The following MTFR1 variants were observed in gnomAD, a reference collection of about 807,000 sequenced individuals.
MTFR1 encodes mitochondrial fission regulator 1.
Under a neutral mutation model 38.8 loss-of-function variants are expected in MTFR1, and 28 were observed. The ratio of observed to expected loss-of-function variants is 0.72; its 90% CI spans 0.53 to 0.99. The LOEUF is 0.99. MTFR1 is among the 50% of genes least tolerant of loss of function. The pLI, the probability that MTFR1 is intolerant of heterozygous loss-of-function variation, is 0.00. For missense variants in MTFR1, 358 were observed against 395.5 expected (o/e 0.91, Z 0.81); for synonymous variants, 145 against 137.0 (o/e 1.06, Z -0.41).
At chr8:65,722,454 T>C (rs1322890474) in intron 3 of MTFR1, 1 of 152,266 alleles carries the variant, frequency 6.6e-6, no homozygotes, top group Non-Finnish European at 1.5e-5. Context: ...TGTGCTACCT[T>C]CTTAGTTTCT....
intron 3 of MTFR1, among the ~76,000 whole-genome samples, chr8:65,762,850 A>G (rs1306833552): frequency 6.6e-6 from 1 of 152,162 alleles, no homozygotes; most frequent in African/African-American, 2.4e-5. Flanking sequence ...TAAAACAAGT[A>G]TATTGGCCAA....
chr8:65,646,403 C>T (rs895804848), intron 1 of MTFR1, among the ~76,000 whole-genome samples: 7 of 151,812 alleles, frequency 4.6e-5, no homozygotes, highest in African/African-American at 1.7e-4. Context: ...ATAAATGGAA[C>T]TGCTGTGGAA....
chr8:65,756,236 G>C (rs1808235315), intron 3 of MTFR1, among the ~76,000 whole-genome samples: 1 of 152,202 alleles, frequency 6.6e-6, no homozygotes, highest in Admixed American at 6.5e-5. Context: ...GTGTGTCTCA[G>C]TGTGGATTTC....
At chr8:65,703,272 G>T (rs1486624800) in intron 4 of MTFR1, among the ~76,000 whole-genome samples, 2 of 151,874 alleles carry the variant, frequency 1.3e-5, no homozygotes, top group Non-Finnish European at 2.9e-5. Flanking sequence ...TATAGTCCTA[G>T]CTACTCAGGA....
At chr8:65,682,539 T>C (rs1268625387) in intron 3 of MTFR1, 88 bp downstream of exon 3, 12 of 780,568 alleles carry the variant, frequency 1.5e-5, no homozygotes, top group Non-Finnish European at 2.1e-5. Context: ...CATTTTGTTT[T>C]TGAGACTTTT....
In MTFR1 at chr8:65,709,357, C is replaced by T. The variant is rs1340477299; in HGVS notation, c.*313C>T. On this transcript the variant is annotated 3_prime_UTR_variant, in exon 8 of 8. Coordinates refer to ENST00000262146, the MANE Select transcript of MTFR1 (RefSeq NM_014637.4). Reference sequence around the variant, plus strand: ...ACAAAAAGGACATTTGTGGATGTTACTGCACATTTTAAATTCTTAACACTA... The same window carrying T: ...ACAAAAAGGACATTTGTGGATGTTATTGCACATTTTAAATTCTTAACACTA... The T allele has an allele frequency of 7.9e-6, 2 of 252,608 alleles. No individual in the cohort carries two copies. Among genetic ancestry groups the T allele is most frequent in the South Asian group, 1.0e-4 (1 of 9,682 alleles). 15.6% of individuals were successfully genotyped at this position (252,608 alleles called of 1,614,324 possible).
intron 1 of MTFR1, among the ~76,000 whole-genome samples, chr8:65,665,976 A>G (rs899056086): frequency 6.6e-6 from 1 of 152,240 alleles, no homozygotes; most frequent in South Asian, 2.1e-4. Flanking sequence ...ACTTGTTAAT[A>G]CTTACCATTT....
At position 65,770,606 on chromosome 8, in the gene MTFR1, A is replaced by G. The variant is rs377561095; in HGVS notation, c.*49-341A>G. Reference sequence around the variant, plus strand: ...AACCATATCAACCTCTAAACACTTCAGTGAATAACACCATAACTTAATACA... The same window carrying G: ...AACCATATCAACCTCTAAACACTTCGGTGAATAACACCATAACTTAATACA... On this transcript the variant is annotated intron_variant, in intron 3 of 3. Coordinates refer to the MTFR1 transcript ENST00000521247. 9.5e-4 allele frequency among the ~76,000 whole-genome samples: 145 copies of G among 152,342 alleles called. 4 individuals carry two copies. In the South Asian group the frequency reaches 0.029, roughly 31 times the overall value.
chr8:65,674,183 T>C (rs1804646342), intron 2 of MTFR1, among the ~76,000 whole-genome samples: 1 of 152,214 alleles, frequency 6.6e-6, no homozygotes, highest in Non-Finnish European at 1.5e-5. Flanking sequence ...TCCACCCACG[T>C]TGGCCTCCCA....
chr8:65,650,180 G>A (rs539588504), intron 1 of MTFR1, among the ~76,000 whole-genome samples: 1 of 148,440 alleles, frequency 6.7e-6, no homozygotes, highest in South Asian at 2.1e-4. Context: ...ATGCCATGTT[G>A]GCCAGACTGC....
intron 1 of MTFR1, among the ~76,000 whole-genome samples, chr8:65,669,227 G>C (rs1305847009): frequency 1.3e-5 from 2 of 152,144 alleles, no homozygotes; most frequent in Non-Finnish European, 2.9e-5. Context: ...TTGGAGTTGG[G>C]GACATGGAAA....
intron 2 of MTFR1, chr8:65,719,252 A>T: frequency 1.4e-6 from 2 of 1,459,842 alleles, no homozygotes; most frequent in Non-Finnish European, 1.9e-6. Flanking sequence ...CATTTCTAAA[A>T]ACCTCCAGGA....
At chr8:65,778,478 C>G in the MTFR1 span, among the ~76,000 whole-genome samples, 1 of 152,138 alleles carries the variant, frequency 6.6e-6, no homozygotes, top group African/African-American at 2.4e-5. Context: ...GCTGTCTGAA[C>G]CATTCCAATC....
At chr8:65,746,097 A>T (rs1464557375) in intron 3 of MTFR1, among the ~76,000 whole-genome samples, 12 of 141,308 alleles carry the variant, frequency 8.5e-5, no homozygotes, top group Non-Finnish European at 1.5e-4. Context: ...TACCTGGCTA[A>T]TTTTTTTTTT....
rs374209617 is a variant in MTFR1 at position 65,664,933 on chromosome 8, A to ATTT, written c.-80-4921_-80-4919dup. Among the ~76,000 whole-genome samples, 11 of 125,690 alleles carry ATTT rather than the reference A, an allele frequency of 8.8e-5. No homozygotes were observed. In the East Asian group the frequency reaches 1.7e-3, roughly 19 times the overall value. The allele number at this position is 125,690 out of a possible 152,430, so 82.5% of individuals were successfully genotyped here. ...TAGTTTTTCATGCTTTTAAAAAAAA[A>ATTT]TTTTTTTTTTTTTTTTTTTTTAGAC... On this transcript the variant is annotated intron_variant, in intron 1 of 7. Coordinates refer to ENST00000262146, the MANE Select transcript of MTFR1 (RefSeq NM_014637.4).
chr8:65,706,856 G>A (rs1805793302), intron 5 of MTFR1, among the ~76,000 whole-genome samples, 154 bp from the exon 6 acceptor site: 1 of 152,192 alleles, frequency 6.6e-6, no homozygotes, highest in South Asian at 2.1e-4. Flanking sequence ...TTCTCATGAA[G>A]TAACTGAAAC....
At chr8:65,738,049 A>G (rs755368303) in intron 3 of MTFR1, among the ~76,000 whole-genome samples, 1 of 152,234 alleles carries the variant, frequency 6.6e-6, no homozygotes, top group Non-Finnish European at 1.5e-5. Context: ...ACTAAAATAA[A>G]GTGAATATTG....
intron 2 of MTFR1, chr8:65,719,367 G>C (rs373589641): frequency 6.2e-7 from 1 of 1,613,898 alleles, no homozygotes; most frequent in Non-Finnish European, 8.5e-7. Flanking sequence ...CTGCTCGACT[G>C]TTCTCTCTGC....
intron 3 of MTFR1, among the ~76,000 whole-genome samples, chr8:65,746,590 T>A (rs1219450614): frequency 6.6e-6 from 1 of 152,190 alleles, no homozygotes. Flanking sequence ...TTTTGTGGAC[T>A]TTTTCTAGAA....
Sources: allele counts gnomAD v4.1 joint callset (sites outside exome capture counted in the v4.1 genomes callset), GRCh38; gene constraint gnomAD v4.1.1; transcripts MANE v1.5; gene names NCBI Gene and HGNC (gene_info 2026-07-23, HGNC 2026-07-21).